IGF2R: variants seen among roughly 807,000 people sequenced by gnomAD.
IGF2R encodes cation-independent mannose-6-phosphate receptor.
A neutral mutation model predicts 270.6 loss-of-function variants in IGF2R; 91 were observed. That is an observed-to-expected ratio of 0.34 (90% CI 0.28 to 0.40). The LOEUF is 0.40. Among genes scored for constraint, IGF2R ranks in the 10% least tolerant of loss-of-function variants. IGF2R has a pLI of 1.00. For synonymous variants in IGF2R, 1,316 were observed against 1,258.9 expected (o/e 1.05, Z -0.96); for missense variants, 2,805 against 3,188.3 (o/e 0.88, Z 2.90).
chr6:160,071,160 G>T (rs1353192128), intron 31 of IGF2R, among the ~76,000 whole-genome samples: 1 of 150,844 alleles, frequency 6.6e-6, no homozygotes, highest in Non-Finnish European at 1.5e-5. Flanking sequence ...AGACCCAGGA[G>T]GCTGGGAGGG....
At chr6:160,012,090 T>C (rs1353340145) in intron 4 of IGF2R, among the ~76,000 whole-genome samples, 1 of 151,820 alleles carries the variant, frequency 6.6e-6, no homozygotes, top group Non-Finnish European at 1.5e-5. Context: ...CAGTGTCATA[T>C]GGAAGTGGAA....
chr6:159,984,397 G>A (rs1440191909), intron 1 of IGF2R, among the ~76,000 whole-genome samples: 1 of 152,216 alleles, frequency 6.6e-6, no homozygotes, highest in African/African-American at 2.4e-5. Context: ...AAAGCGTCCA[G>A]TCAGGTCCTA....
intron 27 of IGF2R, among the ~76,000 whole-genome samples, chr6:160,064,179 A>G (rs1423092119): frequency 1.3e-5 from 2 of 152,226 alleles, no homozygotes; most frequent in African/African-American, 2.4e-5. Flanking sequence ...GCCTCATGTC[A>G]TCATACACGG....
intron 14 of IGF2R, among the ~76,000 whole-genome samples, chr6:160,046,100 T>G (rs1004377500): frequency 3.9e-5 from 6 of 152,238 alleles, no homozygotes; most frequent in Non-Finnish European, 8.8e-5. Context: ...ATGCAAAACC[T>G]TCGGAACACA....
chr6:160,012,134 G>T (rs1784343912), intron 4 of IGF2R, among the ~76,000 whole-genome samples: 1 of 151,976 alleles, frequency 6.6e-6, no homozygotes, highest in East Asian at 1.9e-4. Context: ...GCCATAAGGA[G>T]CATTCAATGA....
chr6:160,108,670 T>TCC lies in IGF2R; in HGVS notation c.*3587_*3588insCC, dbSNP rs1384830803. On this transcript the variant is annotated 3_prime_UTR_variant, in exon 48 of 48. Coordinates refer to ENST00000356956, the MANE Select transcript of IGF2R (RefSeq NM_000876.4). ...TTTCCTCTTTCTTTCTTTCCTTTTC[T>TCC]CTCTCTCTCTTTTTCTTTCTCTCTT... 1 of 151,998 alleles carries TCC rather than the reference T, an allele frequency of 6.6e-6. No homozygotes were observed. Among genetic ancestry groups the TCC allele is most frequent in the Non-Finnish European group, 1.5e-5 (1 of 68,044 alleles). The allele number at this position is 151,998 out of a possible 1,614,324, so 9.4% of individuals were successfully genotyped here.
In IGF2R at chr6:160,096,503, T is replaced by C. The variant is rs1040979909; in HGVS notation, c.6720T>C (p.Val2240=). ...SKCGKDKTKS[V]SSTIFFHCDP... The stretch of plus-strand genomic sequence containing the variant: ...GCGGAAAGGATAAGACCAAGTCTGT[T>C]TCTTCCACCATCTTCTTCCACTGTG... The change falls in exon 45 of 48, where the codon GTT becomes GTC. Residue 2240 remains valine, a synonymous_variant. Coordinates refer to ENST00000356956, the MANE Select transcript of IGF2R (RefSeq NM_000876.4). 1 of 1,614,190 alleles carries C rather than the reference T, an allele frequency of 6.2e-7. No homozygotes were observed. The highest frequency in any genetic ancestry group is 8.5e-7 in the Non-Finnish European group (1 of 1,180,032).
intron 2 of IGF2R, chr6:160,007,433 T>C (rs1784261425): frequency 6.6e-6 from 1 of 152,258 alleles, no homozygotes; most frequent in South Asian, 2.1e-4. Flanking sequence ...TATACCATTT[T>C]GGTCTTGATT....
intron 35 of IGF2R, 141 bp downstream of exon 35, chr6:160,074,116 G>A (rs1297318323): frequency 6.3e-6 from 4 of 634,234 alleles, no homozygotes; most frequent in African/African-American, 5.5e-5. Context: ...TATGTTCTGG[G>A]TCCGCTACTG....
At chr6:160,032,879 T>A in intron 8 of IGF2R, 63 bp from the exon 9 acceptor site, 3 of 1,428,022 alleles carry the variant, frequency 2.1e-6, no homozygotes, top group Non-Finnish European at 2.9e-6. Flanking sequence ...TAAGTAAGAC[T>A]GTAATCTTCT....
At chr6:160,020,406 A>G (rs1033671039) in intron 4 of IGF2R, among the ~76,000 whole-genome samples, 2 of 152,240 alleles carry the variant, frequency 1.3e-5, no homozygotes, top group African/African-American at 4.8e-5. Context: ...TGCAATTCCT[A>G]TCAAAATGCC....
At position 160,032,983 on chromosome 6, in the gene IGF2R, T is replaced by A; in HGVS notation, c.1087T>A (p.Leu363Met). Residue 363 changes from leucine to methionine, a missense_variant, in exon 9 of 48, where the codon TTG becomes ATG. Physicochemically the swap from Leu to Met is conservative, Grantham distance 15 (BLOSUM62 2). Transcript: ENST00000356956. ...AGATGGAAAAGAATATTTGTTTTAT[T>A]TGAATGTCTGTGGAGAAACTGAAAT... is the stretch of plus-strand genomic sequence containing the variant. ...ISDGKEYLFY[L>M]NVCGETEIQF... 6.2e-7 allele frequency: 1 copy of A among 1,603,244 alleles called. No individual in the cohort carries two copies. The highest frequency in any genetic ancestry group is 8.5e-7 in the Non-Finnish European group (1 of 1,170,448).
chr6:160,065,200 C>T (rs1054860229), intron 29 of IGF2R, among the ~76,000 whole-genome samples: 1 of 152,192 alleles, frequency 6.6e-6, no homozygotes, highest in South Asian at 2.1e-4. Context: ...GTGGTGACCC[C>T]TGCGATGAAG....
At chr6:160,097,005 A>C (rs1357936887) in intron 45 of IGF2R, among the ~76,000 whole-genome samples, 1 of 152,156 alleles carries the variant, frequency 6.6e-6, no homozygotes, top group Non-Finnish European at 1.5e-5. Context: ...CCTCTGTGTA[A>C]TCCTGGAACA....
chr6:160,043,370 G>C, intron 12 of IGF2R, 82 bp downstream of exon 12: 4 of 1,427,750 alleles, frequency 2.8e-6, no homozygotes, highest in Non-Finnish European at 1.9e-6. Context: ...TCTTTCTGTG[G>C]TTCATCTAAG....
intron 11 of IGF2R, among the ~76,000 whole-genome samples, chr6:160,041,995 A>C (rs1275969028): frequency 3.8e-5 from 5 of 131,236 alleles, no homozygotes; most frequent in African/African-American, 1.3e-4. Flanking sequence ...CCTTAAGTTA[A>C]CTTTTTTTTT....
Position 160,072,727 on chromosome 6 carries a change from C to T in IGF2R, c.4571-38C>T, listed in dbSNP as rs780601221. 6 of 1,613,654 alleles carry T rather than the reference C, an allele frequency of 3.7e-6. No homozygotes were observed. The Admixed American group carries it at 8.3e-5, about 22-fold the overall frequency. ...GATGAGCCTCCCAAGTCTCAGCTCC[C>T]TGGAGTCACTGTGTCCCCATCTTCT... On this transcript the variant is annotated intron_variant, in intron 32 of 47. Transcript: ENST00000356956.
chr6:160,047,282 G>C lies in IGF2R; in HGVS notation c.2175G>C (p.Thr725=), dbSNP rs569719881. The change falls in exon 16 of 48, where the codon ACG becomes ACC. Residue 725 remains threonine (T), a synonymous_variant. Coordinates refer to ENST00000356956, the MANE Select transcript of IGF2R (RefSeq NM_000876.4). ...ATGAAAGACACACACCGAGAGCTACGCTCATCACCTTTCTCTGTGATCGAG... is the reference window on the plus strand; with the variant it reads ...ATGAAAGACACACACCGAGAGCTACCCTCATCACCTTTCTCTGTGATCGAG... ...YNNERHTPRA[T]LITFLCDRDA... 4 of 1,611,816 alleles carry C rather than the reference G, an allele frequency of 2.5e-6. No individual in the cohort carries two copies. The African/African-American group carries it at 4.0e-5, about 16-fold the overall frequency.
intron 4 of IGF2R, among the ~76,000 whole-genome samples, chr6:160,012,345 G>C (rs772941037): frequency 2.0e-5 from 3 of 152,130 alleles, no homozygotes; most frequent in African/African-American, 4.8e-5. Context: ...GTGCTATAAA[G>C]AAACACCTGA....
Sources: allele counts gnomAD v4.1 joint callset (sites outside exome capture counted in the v4.1 genomes callset), GRCh38; gene constraint gnomAD v4.1.1; transcripts MANE v1.5; gene names NCBI Gene and HGNC (gene_info 2026-07-23, HGNC 2026-07-21).